PPFIA2: variants seen among roughly 807,000 people sequenced by gnomAD.
The protein encoded by PPFIA2 is liprin-alpha-2.
In PPFIA2, 46 loss-of-function variants were observed where a neutral mutation model predicts 175.5. The observed-to-expected ratio is 0.26, with a 90% CI of 0.21 to 0.34. The LOEUF (loss-of-function observed/expected upper bound fraction) is 0.34, where lower values mean the gene tolerates loss of function less well. Ranked by LOEUF, PPFIA2 falls within the 10% of genes least tolerant of loss-of-function variation. The pLI is 1.00. For synonymous variants in PPFIA2, 568 were observed against 511.4 expected (o/e 1.11, Z -1.49); for missense variants, 1,179 against 1,506.1 (o/e 0.78, Z 3.60).
intron 4 of PPFIA2, among the ~76,000 whole-genome samples, chr12:81,496,731 T>C (rs1448183214): frequency 6.6e-6 from 1 of 152,204 alleles, no homozygotes; most frequent in Non-Finnish European, 1.5e-5. Context: ...ATTCAACATG[T>C]AGAAATAAAA....
At chr12:81,656,983 G>T (rs1301229658) in intron 4 of PPFIA2, among the ~76,000 whole-genome samples, 1 of 151,980 alleles carries the variant, frequency 6.6e-6, no homozygotes, top group African/African-American at 2.4e-5. Context: ...AATTTATTAT[G>T]AATATACAAT....
chr12:81,493,980 A>G (rs562715292), intron 4 of PPFIA2, among the ~76,000 whole-genome samples: 1 of 152,004 alleles, frequency 6.6e-6, no homozygotes, highest in South Asian at 2.1e-4. Context: ...TAGACCTAAA[A>G]CCATAAAAAC....
intron 4 of PPFIA2, among the ~76,000 whole-genome samples, chr12:81,610,849 G>A (rs1040995605): frequency 6.6e-6 from 1 of 152,134 alleles, no homozygotes; most frequent in Admixed American, 6.5e-5. Context: ...AGAGAGTTTT[G>A]ATGTTCCTTT....
chr12:81,414,529 C>T (rs1376440782), intron 7 of PPFIA2, among the ~76,000 whole-genome samples: 4 of 151,674 alleles, frequency 2.6e-5, no homozygotes, highest in Non-Finnish European at 4.4e-5. Context: ...TTTTCATTCT[C>T]ATGTTTTTAA....
At chr12:81,617,796 C>T (rs2061555888) in intron 4 of PPFIA2, among the ~76,000 whole-genome samples, 1 of 152,178 alleles carries the variant, frequency 6.6e-6, no homozygotes, top group African/African-American at 2.4e-5. Context: ...GCACACTATT[C>T]TAGGCATTTA....
At chr12:81,327,428 T>A (rs1203881502) in intron 21 of PPFIA2, among the ~76,000 whole-genome samples, 1 of 152,122 alleles carries the variant, frequency 6.6e-6, no homozygotes, top group Non-Finnish European at 1.5e-5. Flanking sequence ...GTACAGTGAG[T>A]GCATATTTTC....
intron 4 of PPFIA2, among the ~76,000 whole-genome samples, chr12:81,549,879 T>C (rs2067611166): frequency 1.3e-5 from 2 of 151,962 alleles, no homozygotes; most frequent in Non-Finnish European, 2.9e-5. Context: ...TAACATATTA[T>C]ATGAAGCTAT....
intron 4 of PPFIA2, among the ~76,000 whole-genome samples, chr12:81,582,132 TATTG>T (rs1302832194): frequency 6.6e-6 from 1 of 151,876 alleles, no homozygotes; most frequent in Non-Finnish European, 1.5e-5. Context: ...CTCCAATACT[TATTG>T]ATTCATATTT....
chr12:81,275,359 G>A (rs1279214455), intron 28 of PPFIA2, among the ~76,000 whole-genome samples: 1 of 152,200 alleles, frequency 6.6e-6, no homozygotes, highest in Non-Finnish European at 1.5e-5. Flanking sequence ...TGAGACGTAC[G>A]TAGAAAACTA....
intron 4 of PPFIA2, among the ~76,000 whole-genome samples, chr12:81,553,294 A>G (rs768438099): frequency 4.6e-5 from 7 of 152,080 alleles, no homozygotes; most frequent in Non-Finnish European, 1.0e-4. Context: ...CTAACTCAGG[A>G]ATACATTAAT....
intron 4 of PPFIA2, among the ~76,000 whole-genome samples, chr12:81,666,193 T>G (rs28880661): frequency 5.3e-5 from 8 of 152,196 alleles, no homozygotes; most frequent in Middle Eastern, 3.4e-3. Context: ...CATTGTGGAA[T>G]TCAGTGTGGC....
chr12:81,586,748 A>C (rs975924372), intron 4 of PPFIA2, among the ~76,000 whole-genome samples: 2 of 151,890 alleles, frequency 1.3e-5, no homozygotes, highest in African/African-American at 4.8e-5. Context: ...TGACAAGTCA[A>C]TATATTTTAC....
At chr12:81,518,970 C>T (rs1177169631) in intron 4 of PPFIA2, among the ~76,000 whole-genome samples, 1 of 152,042 alleles carries the variant, frequency 6.6e-6, no homozygotes, top group Non-Finnish European at 1.5e-5. Flanking sequence ...ACCTTTAAAG[C>T]CTATTTGATC....
chr12:81,283,092 C>T, intron 25 of PPFIA2, 53 bp from the exon 26 acceptor site: 1 of 1,549,674 alleles, frequency 6.5e-7, no homozygotes, highest in Non-Finnish European at 8.8e-7. Context: ...AAATTAATTT[C>T]AAATCAATAC....
chr12:81,637,085 G>A (rs1304026179), intron 4 of PPFIA2, among the ~76,000 whole-genome samples: 1 of 139,552 alleles, frequency 7.2e-6, no homozygotes. Context: ...TTTTCTTTTT[G>A]TGAGACGGAG....
chr12:81,311,201 A>T (rs1300992999), intron 22 of PPFIA2, among the ~76,000 whole-genome samples: 2 of 152,210 alleles, frequency 1.3e-5, no homozygotes, highest in Non-Finnish European at 2.9e-5. Flanking sequence ...AAAGAAAAGG[A>T]TTTAAAATTT....
chr12:81,282,958 C>A (rs543604657), intron 26 of PPFIA2, 52 bp downstream of exon 26: 1 of 1,503,938 alleles, frequency 6.6e-7, no homozygotes, highest in Non-Finnish European at 9.2e-7. Flanking sequence ...GATTTATATT[C>A]TCATTGCCTA....
intron 8 of PPFIA2, among the ~76,000 whole-genome samples, chr12:81,396,091 A>G (rs1302931574): frequency 6.6e-6 from 1 of 152,080 alleles, no homozygotes; most frequent in Non-Finnish European, 1.5e-5. Context: ...AACAGAGTTG[A>G]AAAATGGAAT....
chr12:81,562,937 A>G (rs2153397048), intron 4 of PPFIA2, among the ~76,000 whole-genome samples: 1 of 151,960 alleles, frequency 6.6e-6, no homozygotes, highest in Admixed American at 6.5e-5. Flanking sequence ...GGATAATATA[A>G]CATTCATTCT....
Sources: gnomAD v4.1 joint callset for allele counts (sites outside exome capture counted in the v4.1 genomes callset) on GRCh38, gnomAD v4.1.1 for gene constraint, MANE v1.5 for transcripts, NCBI Gene and HGNC (gene_info 2026-07-23, HGNC 2026-07-21) for gene names.